Variants in VPS41 observed in about 807,000 individuals in gnomAD.
VPS41 encodes the protein vacuolar protein sorting-associated protein 41 homolog.
A neutral mutation model predicts 130.9 loss-of-function variants in VPS41; 85 were observed. That is an observed-to-expected ratio of 0.65 (90% CI 0.55 to 0.78). VPS41 has a LOEUF of 0.78. VPS41 is among the 30% of genes least tolerant of loss of function. The pLI, the probability that VPS41 is intolerant of heterozygous loss-of-function variation, is 0.00. For synonymous variants in VPS41, 335 were observed against 332.9 expected (o/e 1.01, Z -0.07); for missense variants, 874 against 1,018.7 (o/e 0.86, Z 1.93).
At chr7:38,900,257 G>A (rs1029636040) in intron 1 of VPS41, among the ~76,000 whole-genome samples, 8 of 152,064 alleles carry the variant, frequency 5.3e-5, no homozygotes, top group South Asian at 2.1e-4. Context: ...ACACTGTCTC[G>A]ATTAAAACAA....
At chr7:38,878,680 G>A (rs1029860850) in intron 2 of VPS41, among the ~76,000 whole-genome samples, 1 of 152,172 alleles carries the variant, frequency 6.6e-6, no homozygotes, top group Non-Finnish European at 1.5e-5. Flanking sequence ...AGAAAACGCA[G>A]GGCCATCTTG....
Position 38,726,138 on chromosome 7 carries a change from T to C in VPS41, c.*108A>G, listed in dbSNP as rs565790717. 29 of 733,828 alleles carry C rather than the reference T, an allele frequency of 4.0e-5. No individual in the cohort carries two copies. In the South Asian group the frequency reaches 4.8e-4, roughly 12 times the overall value. The allele number at this position is 733,828 out of a possible 1,614,324, so 45.5% of individuals were successfully genotyped here. A position where few individuals can be genotyped will look rare whatever the true frequency, so the allele number is the denominator to read the frequency against. On this transcript the variant is annotated 3_prime_UTR_variant, in exon 29 of 29. Transcript: ENST00000310301. ...GAAGAAATTGTTTTTGAGTATAATA[T>C]AAACATAAACAAATCTCTTAACAGC...
intron 7 of VPS41, among the ~76,000 whole-genome samples, chr7:38,801,563 C>A (rs1225904716): frequency 1.3e-5 from 2 of 152,104 alleles, no homozygotes; most frequent in Non-Finnish European, 1.5e-5. Context: ...TAAGGAAAGT[C>A]ATCATTTAAG....
intron 24 of VPS41, 148 bp downstream of exon 24, chr7:38,743,254 A>T (rs1444913982): frequency 4.9e-6 from 4 of 824,672 alleles, no homozygotes; most frequent in Non-Finnish European, 7.4e-6. Flanking sequence ...GAGTATTGGA[A>T]ATCATTACAA....
chr7:38,765,707 AAAC>A, intron 15 of VPS41, 46 bp from the exon 16 acceptor site: 1 of 1,228,672 alleles, frequency 8.1e-7, no homozygotes, highest in Non-Finnish European at 1.2e-6. Context: ...TATATTAAAA[AAAC>A]AAAAAACAAA....
At chr7:38,791,128 G>A (rs2115953720) in intron 9 of VPS41, among the ~76,000 whole-genome samples, 1 of 152,264 alleles carries the variant, frequency 6.6e-6, no homozygotes, top group East Asian at 1.9e-4. Flanking sequence ...CTTCTTCCTT[G>A]ATTGCTTTTT....
At position 38,726,992 on chromosome 7, in the gene VPS41, G is replaced by A. The variant is rs1310596226; in HGVS notation, c.2405-4C>T. 1.9e-6 allele frequency: 3 copies of A among 1,548,586 alleles called. No homozygotes were observed. The highest frequency in any genetic ancestry group is 2.8e-5 in the African/African-American group (2 of 71,720). ...ACGCTGAAGGGCTTAGCTGCATCTG[G>A]CGAGGAGGGCAGAGAAAGGAGGAGA... On this transcript the variant is annotated splice_polypyrimidine_tract_variant and splice_region_variant and intron_variant, in intron 27 of 28. Coordinates refer to ENST00000310301, the MANE Select transcript of VPS41 (RefSeq NM_014396.4).
intron 11 of VPS41, among the ~76,000 whole-genome samples, chr7:38,775,827 A>T (rs79647950): frequency 2.3e-5 from 3 of 130,338 alleles, no homozygotes; most frequent in Non-Finnish European, 4.7e-5. Flanking sequence ...CTTGCCATTT[A>T]AAAAAAAAAA....
Position 38,789,791 on chromosome 7 carries a change from G to A in VPS41, c.784+10C>T. On this transcript the variant is annotated intron_variant, in intron 10 of 28. Coordinates refer to ENST00000310301, the MANE Select transcript of VPS41 (RefSeq NM_014396.4). Reference sequence around the variant, plus strand: ...TTTACATCCACAGAAGGCAAGTGTTGGAGCCATACCTATTTCAACATATCG... The same window carrying A: ...TTTACATCCACAGAAGGCAAGTGTTAGAGCCATACCTATTTCAACATATCG... The A allele has an allele frequency of 6.2e-7, 1 of 1,613,292 alleles. No homozygotes were observed. Among genetic ancestry groups the A allele is most frequent in the African/African-American group, 1.3e-5 (1 of 74,992 alleles).
rs549734425 is a variant in VPS41, at chr7:38,827,000, A to G, written c.321+3254T>C. ...CACCCGGCTAATTTTTTGTATTTTT[A>G]GTAGAGATGGGGTTTCACCGTGTTA... On this transcript the variant is annotated intron_variant, in intron 5 of 28. Coordinates refer to ENST00000310301, the MANE Select transcript of VPS41 (RefSeq NM_014396.4). 5.9e-5 allele frequency among the ~76,000 whole-genome samples: 9 copies of G among 152,036 alleles called. 1 individual carries two copies. The South Asian group carries it at 1.7e-3, about 28-fold the overall frequency.
intron 4 of VPS41, among the ~76,000 whole-genome samples, chr7:38,844,962 C>G (rs184969163): frequency 1.3e-5 from 2 of 152,290 alleles, no homozygotes. Context: ...TCAACAGAGG[C>G]AGGGGCACGG....
chr7:38,873,587 A>G (rs1786421908), intron 2 of VPS41, among the ~76,000 whole-genome samples: 1 of 152,236 alleles, frequency 6.6e-6, no homozygotes, highest in African/African-American at 2.4e-5. Context: ...GTCTGAGTTA[A>G]GATGACAGTT....
chr7:38,732,976 A>C (rs1795697182), intron 25 of VPS41, among the ~76,000 whole-genome samples: 1 of 152,132 alleles, frequency 6.6e-6, no homozygotes, highest in Admixed American at 6.5e-5. Context: ...CACAGGCATG[A>C]GCCATCACGC....
rs145999602 is a variant in VPS41, at chr7:38,726,178, A to T, written c.*68T>A. 988 of 1,074,738 alleles carry T rather than the reference A, an allele frequency of 9.2e-4. 1 individual carries two copies. Among genetic ancestry groups the T allele is most frequent in the South Asian group, 2.8e-3 (219 of 78,280 alleles). The allele number at this position is 1,074,738 out of a possible 1,614,324, so 66.6% of individuals were successfully genotyped here. A position where few individuals can be genotyped will look rare whatever the true frequency, so the allele number is the denominator to read the frequency against. On this transcript the variant is annotated 3_prime_UTR_variant, in exon 29 of 29. Transcript: ENST00000310301. Reference sequence around the variant, plus strand: ...CTCTTAACAGCACGAGTGTCAACAAATGCTTTTGTTGTTGCAAAAACAGTC... The same window carrying T: ...CTCTTAACAGCACGAGTGTCAACAATTGCTTTTGTTGTTGCAAAAACAGTC...
intron 2 of VPS41, among the ~76,000 whole-genome samples, chr7:38,889,671 G>C (rs1463345633): frequency 6.6e-6 from 1 of 151,874 alleles, no homozygotes; most frequent in Non-Finnish European, 1.5e-5. Flanking sequence ...TATCCTTAAA[G>C]AGTGGCTAAT....
chr7:38,768,351 G>A (rs73368208), intron 14 of VPS41, among the ~76,000 whole-genome samples: 8,306 of 151,836 alleles, frequency 0.055, 743 homozygotes, highest in African/African-American at 0.19. Flanking sequence ...GTTGGGTGTT[G>A]ATTTCTACTT....
chr7:38,894,843 C>T (rs568359056), intron 2 of VPS41, among the ~76,000 whole-genome samples: 1 of 152,204 alleles, frequency 6.6e-6, no homozygotes, highest in Admixed American at 6.5e-5. Context: ...GAGTTGGAAC[C>T]CCTTTCTCCT....
At chr7:38,804,910 C>A (rs1450264906) in intron 7 of VPS41, among the ~76,000 whole-genome samples, 1 of 152,222 alleles carries the variant, frequency 6.6e-6, no homozygotes, top group Non-Finnish European at 1.5e-5. Context: ...ATAGAGCTGG[C>A]TGTTCATACC....
rs928895989 is a variant in VPS41 at position 38,752,460 on chromosome 7, T to C, written c.1789-147A>G. ...GGAAAACCTCTAGGTGATGGAGAAG[T>C]GGAAAGGAAAACCCTTTGGGAGAGC... On this transcript the variant is annotated intron_variant, in intron 21 of 28. Transcript: ENST00000310301. The C allele has an allele frequency of 1.5e-5, 15 of 978,790 alleles. 1 individual carries two copies. Among genetic ancestry groups the C allele is most frequent in the Non-Finnish European group, 2.2e-5 (15 of 681,062 alleles). The allele number at this position is 978,790 out of a possible 1,614,324, so 60.6% of individuals were successfully genotyped here.
Sources: gnomAD v4.1 joint callset for allele counts (sites outside exome capture counted in the v4.1 genomes callset) on GRCh38, gnomAD v4.1.1 for gene constraint, MANE v1.5 for transcripts, NCBI Gene and HGNC (gene_info 2026-07-23, HGNC 2026-07-21) for gene names.